The following SLCO3A1 variants were observed in gnomAD, a reference collection of about 807,000 sequenced individuals.
SLCO3A1 encodes the protein solute carrier organic anion transporter family member 3A1.
Under a neutral mutation model 63.1 loss-of-function variants are expected in SLCO3A1, and 27 were observed. The ratio of observed to expected loss-of-function variants is 0.43; its 90% CI spans 0.32 to 0.59. SLCO3A1 has a LOEUF of 0.59. Among genes scored for constraint, SLCO3A1 ranks in the 20% least tolerant of loss-of-function variants. SLCO3A1 has a pLI of 0.09. For synonymous variants in SLCO3A1, 473 were observed against 409.9 expected (o/e 1.15, Z -1.86); for missense variants, 773 against 945.8 (o/e 0.82, Z 2.40).
chr15:91,936,385 A>T (rs1163570431), intron 2 of SLCO3A1, among the ~76,000 whole-genome samples: 2 of 152,240 alleles, frequency 1.3e-5, no homozygotes, highest in African/African-American at 4.8e-5. Context: ...TGAAAAACTC[A>T]GTTCCTCATT....
chr15:91,979,515 C>G (rs138018919), intron 2 of SLCO3A1, among the ~76,000 whole-genome samples: 1 of 152,170 alleles, frequency 6.6e-6, no homozygotes, highest in Non-Finnish European at 1.5e-5. Flanking sequence ...TGGCAGTTAG[C>G]AGAACCTTTC....
chr15:92,083,957 CA>C (rs1227783492), intron 2 of SLCO3A1, among the ~76,000 whole-genome samples: 2 of 152,184 alleles, frequency 1.3e-5, no homozygotes, highest in African/African-American at 4.8e-5. Context: ...CCAGTGACTG[CA>C]GACCCTGGCC....
At chr15:91,874,003 C>G (rs28475884) in intron 1 of SLCO3A1, among the ~76,000 whole-genome samples, 28,279 of 151,830 alleles carry the variant, frequency 0.19, 3,374 homozygotes, top group African/African-American at 0.34. Context: ...TAGTAGTCCC[C>G]CTTGCTCTTG....
rs1178593539 is a variant in SLCO3A1, at chr15:91,854,530, C to G, written c.180+442C>G. On this transcript the variant is annotated intron_variant, in intron 1 of 9. Coordinates refer to ENST00000318445, the MANE Select transcript of SLCO3A1 (RefSeq NM_013272.4). This position sits in a 1 kb window ranked among gnomAD's most constrained non-coding sequence, Gnocchi z 6.4. Reference sequence around the variant, plus strand: ...CCTCTACTCTCCATTGCATCCTCCTCGAGAACAAATCTATTATGCATCATT... The same window carrying G: ...CCTCTACTCTCCATTGCATCCTCCTGGAGAACAAATCTATTATGCATCATT... The G allele has an allele frequency of 1.4e-5, 3 of 222,144 alleles. No homozygotes were observed. Among genetic ancestry groups the G allele is most frequent in the African/African-American group, 2.3e-5 (1 of 42,738 alleles). 13.8% of individuals were successfully genotyped at this position (222,144 alleles called of 1,614,324 possible).
intron 2 of SLCO3A1, among the ~76,000 whole-genome samples, chr15:91,973,189 C>T (rs561145081): frequency 9.5e-4 from 145 of 152,330 alleles, no homozygotes; most frequent in Non-Finnish European, 1.6e-3. Context: ...ATTGCAACCC[C>T]TCTGCTCTCT....
chr15:91,853,755 C>G lies in SLCO3A1; in HGVS notation c.-154C>G, dbSNP rs1489561904. 21 of 748,014 alleles carry G rather than the reference C, an allele frequency of 2.8e-5. No homozygotes were observed. Among genetic ancestry groups the G allele is most frequent in the Non-Finnish European group, 3.5e-5 (21 of 600,774 alleles). The allele number at this position is 748,014 out of a possible 1,614,324, so 46.3% of individuals were successfully genotyped here. ...CGGCGAGGAGCTGTGCCTTCCACCTCTCCAGCCCCGGCAGGACGGGGGCGG... is the reference window on the plus strand; with the variant it reads ...CGGCGAGGAGCTGTGCCTTCCACCTGTCCAGCCCCGGCAGGACGGGGGCGG... On this transcript the variant is annotated 5_prime_UTR_variant, in exon 1 of 10. Transcript: ENST00000318445.
intron 2 of SLCO3A1, among the ~76,000 whole-genome samples, chr15:92,025,524 CTTG>C (rs1188119054): frequency 6.6e-6 from 1 of 152,192 alleles, no homozygotes; most frequent in Non-Finnish European, 1.5e-5. Flanking sequence ...GTGGCATCCA[CTTG>C]TTGTTTTGGA....
At chr15:91,913,814 A>G (rs1185295531) in intron 1 of SLCO3A1, among the ~76,000 whole-genome samples, 1 of 152,172 alleles carries the variant, frequency 6.6e-6, no homozygotes, top group Non-Finnish European at 1.5e-5. Flanking sequence ...CCGGTTGGTC[A>G]GCAGATCCAG....
At position 91,872,272 on chromosome 15, in the gene SLCO3A1, C is replaced by T. The variant is rs1395165526; in HGVS notation, c.180+18184C>T. Among the ~76,000 whole-genome samples the T allele has an allele frequency of 6.6e-6, 1 of 152,164 alleles. No individual in the cohort carries two copies. Among genetic ancestry groups the T allele is most frequent in the African/African-American group, 2.4e-5 (1 of 41,426 alleles). On this transcript the variant is annotated intron_variant, in intron 1 of 9. Coordinates refer to ENST00000318445, the MANE Select transcript of SLCO3A1 (RefSeq NM_013272.4). The surrounding 1 kb of genome is among the most constrained non-coding windows in gnomAD (Gnocchi z 4.1). The stretch of plus-strand genomic sequence containing the variant: ...TGCTGGATGGGCACGGTGGCTCACG[C>T]CTGTAATCCCAGCACTTTGGGAAGC...
chr15:91,994,816 C>T (rs1171947746), intron 2 of SLCO3A1, among the ~76,000 whole-genome samples: 1 of 152,222 alleles, frequency 6.6e-6, no homozygotes, highest in East Asian at 1.9e-4. Context: ...ACAGCCTGCT[C>T]ATCACCACTG....
At chr15:92,022,112 G>A (rs2046516697) in intron 2 of SLCO3A1, among the ~76,000 whole-genome samples, 2 of 152,178 alleles carry the variant, frequency 1.3e-5, no homozygotes, top group African/African-American at 4.8e-5. Flanking sequence ...GCCTTTTAGG[G>A]GAGATAAAAC....
intron 2 of SLCO3A1, among the ~76,000 whole-genome samples, chr15:91,963,843 A>C (rs2151423372): frequency 6.6e-6 from 1 of 152,174 alleles, no homozygotes; most frequent in Admixed American, 6.5e-5. Flanking sequence ...AGAGCGAAAG[A>C]ACAAAGCTTC....
At chr15:91,906,141 A>G (rs1037800453) in intron 1 of SLCO3A1, among the ~76,000 whole-genome samples, 1 of 152,242 alleles carries the variant, frequency 6.6e-6, no homozygotes, top group Non-Finnish European at 1.5e-5. Flanking sequence ...TAAGTGTGTC[A>G]GAATACGTAA....
intron 4 of SLCO3A1, among the ~76,000 whole-genome samples, chr15:92,109,649 C>T (rs926050446): frequency 6.6e-6 from 1 of 152,232 alleles, no homozygotes; most frequent in African/African-American, 2.4e-5. Context: ...CAAGTGGTCT[C>T]TTCCTGTCCC....
At chr15:92,034,780 G>A (rs1249944826) in intron 2 of SLCO3A1, among the ~76,000 whole-genome samples, 1 of 151,962 alleles carries the variant, frequency 6.6e-6, no homozygotes, top group Non-Finnish European at 1.5e-5. Context: ...GTGGCATGTG[G>A]CTATGGGAAC....
chr15:92,052,101 G>A (rs994804258), intron 2 of SLCO3A1, among the ~76,000 whole-genome samples: 7 of 152,072 alleles, frequency 4.6e-5, no homozygotes, highest in East Asian at 3.9e-4. Flanking sequence ...CCTGCTCATC[G>A]CCATATCCCC....
exon 11 of SLCO3A1, chr15:92,172,160 G>A (rs927612054): frequency 7.2e-6 from 2 of 279,664 alleles, no homozygotes; most frequent in Non-Finnish European, 1.3e-5. Context: ...ACCTCCTCTG[G>A]GGATGGCTTG....
chr15:91,884,746 A>G (rs528518037), intron 1 of SLCO3A1, among the ~76,000 whole-genome samples: 3 of 151,908 alleles, frequency 2.0e-5, no homozygotes, highest in South Asian at 4.2e-4. Context: ...TAATGGTGAC[A>G]TTTCTTTTTT....
chr15:91,957,110 A>ACTATATATTATATATATACTATATAG (rs368376833), intron 2 of SLCO3A1, among the ~76,000 whole-genome samples: 1 of 6,668 alleles, frequency 1.5e-4, no homozygotes, highest in African/African-American at 1.7e-3. Flanking sequence ...TAATATATAT[A>ACTATATATTATATATATACTATATAG]TATATAATAT....
Sources: gnomAD v4.1 joint callset for allele counts (sites outside exome capture counted in the v4.1 genomes callset) on GRCh38, gnomAD v4.1.1 for gene constraint, Gnocchi (gnomAD v3.1) non-coding constraint, MANE v1.5 for transcripts, NCBI Gene and HGNC (gene_info 2026-07-23, HGNC 2026-07-21) for gene names.